The following SECISBP2L variants were observed in gnomAD, a reference collection of about 807,000 sequenced individuals.
SECISBP2L encodes selenocysteine insertion sequence-binding protein 2-like.
In SECISBP2L, 43 loss-of-function variants were observed where a neutral mutation model predicts 114.7. The ratio of observed to expected loss-of-function variants is 0.38; its 90% confidence interval spans 0.29 to 0.48. SECISBP2L has a LOEUF of 0.48. Among genes scored for constraint, SECISBP2L ranks in the 20% least tolerant of loss-of-function variants. The probability of loss-of-function intolerance (pLI) is 0.98; values close to 1 mark genes in which losing one functional copy is unlikely to be tolerated. For synonymous variants in SECISBP2L, 451 were observed against 439.7 expected, an observed-to-expected ratio of 1.03 and a Z score of -0.32; for missense variants, 1,136 against 1,301.1, an observed-to-expected ratio of 0.87 and a Z score of 1.95.
intron 14 of SECISBP2L, among the ~76,000 whole-genome samples, chr15:49,002,142 T>C (rs948408101): frequency 1.3e-5 from 2 of 152,244 alleles, no homozygotes; most frequent in Admixed American, 6.5e-5. Context: ...TTTTTAATGA[T>C]TGCTATTCTA....
Position 48,989,502 on chromosome 15 carries a change from A to G in SECISBP2L, c.*2742T>C, listed in dbSNP as rs1044954539. 6.6e-6 allele frequency: 1 copy of G among 152,654 alleles called. No homozygotes were observed. Among genetic ancestry groups the G allele is most frequent in the Admixed American group, 6.5e-5 (1 of 15,284 alleles). The allele number at this position is 152,654 out of a possible 1,614,324, so 9.5% of individuals were successfully genotyped here. ...TTTTCCACATTTAGTCAAAAGAAAT[A>G]TATTACATCATTTACAAACATATTT... On this transcript the variant is annotated 3_prime_UTR_variant, in exon 18 of 18. Transcript: ENST00000559471.
chr15:49,005,278 C>A (rs984917631), intron 14 of SECISBP2L, among the ~76,000 whole-genome samples: 1 of 152,076 alleles, frequency 6.6e-6, no homozygotes, highest in Non-Finnish European at 1.5e-5. Flanking sequence ...TGCAATAAGC[C>A]GAGATCGCGC....
intron 13 of SECISBP2L, among the ~76,000 whole-genome samples, chr15:49,010,842 T>C (rs1185728889): frequency 6.6e-6 from 1 of 152,220 alleles, no homozygotes; most frequent in Non-Finnish European, 1.5e-5. Context: ...CCTACTGGGC[T>C]GTAAGCTCTT....
At chr15:49,040,037 ATTACT>A (rs1251754056) in intron 1 of SECISBP2L, among the ~76,000 whole-genome samples, 2 of 152,164 alleles carry the variant, frequency 1.3e-5, no homozygotes, top group Admixed American at 6.5e-5. Flanking sequence ...CAACTCATAA[ATTACT>A]TTGGTAGCAA....
At chr15:49,016,368 A>G in intron 11 of SECISBP2L, 192 bp downstream of exon 11, 1 of 475,262 alleles carries the variant, frequency 2.1e-6, no homozygotes, top group Non-Finnish European at 3.6e-6. Context: ...TGTGGAAAGG[A>G]GCATGGACAA....
In SECISBP2L at chr15:49,001,097, C is replaced by T; in HGVS notation, c.2028G>A (p.Glu676=). The T allele has an allele frequency of 6.3e-7, 1 of 1,587,130 alleles. No individual in the cohort carries two copies. The highest frequency in any genetic ancestry group is 8.5e-7 in the Non-Finnish European group (1 of 1,170,294). The change falls in exon 15 of 18, where the codon GAG becomes GAA. Residue 676 remains glutamate (E), a splice_region_variant and synonymous_variant. Transcript: ENST00000559471. ...ITKIHSKRFR[E]YCNQVLCKEI... The stretch of plus-strand genomic sequence containing the variant: ...CTTTACAAAGAACCTGATTACAATA[C>T]CTGTAAAAAAAAACCAAAATGGGTA...
At chr15:49,002,768 T>C (rs1299121894) in intron 14 of SECISBP2L, among the ~76,000 whole-genome samples, 2 of 152,350 alleles carry the variant, frequency 1.3e-5, no homozygotes, top group East Asian at 3.9e-4. Context: ...GTTGTAGATG[T>C]GTGGAGTTAT....
intron 14 of SECISBP2L, among the ~76,000 whole-genome samples, chr15:49,005,865 T>C (rs1328759591): frequency 6.6e-6 from 1 of 152,112 alleles, no homozygotes; most frequent in African/African-American, 2.4e-5. Context: ...CTTTACAATT[T>C]GGTATGTTTT....
At chr15:49,038,473 G>A (rs80031093) in intron 1 of SECISBP2L, among the ~76,000 whole-genome samples, 2 of 150,556 alleles carry the variant, frequency 1.3e-5, no homozygotes, top group Admixed American at 6.6e-5. Context: ...ATGCACATAT[G>A]GGCAACAAAA....
chr15:49,040,146 C>A (rs891213343), intron 1 of SECISBP2L, among the ~76,000 whole-genome samples: 1 of 152,110 alleles, frequency 6.6e-6, no homozygotes, highest in Non-Finnish European at 1.5e-5. Flanking sequence ...ACTTAGGCAA[C>A]CTACTGTTTA....
chr15:48,994,211 TC>T (rs1902044282), intron 17 of SECISBP2L, among the ~76,000 whole-genome samples: 1 of 152,188 alleles, frequency 6.6e-6, no homozygotes, highest in Admixed American at 6.5e-5. Context: ...TAACACTTGA[TC>T]CTACTTTTCT....
rs1336133157 is a variant in SECISBP2L, at chr15:49,046,272, G to T, written c.24+4C>A. Reference sequence around the variant, plus strand: ...CTCGGCGGGCCCAGCCCAAACCCGCGTACCTGCTCCGTGGGGGCTCGGTCC... The same window carrying T: ...CTCGGCGGGCCCAGCCCAAACCCGCTTACCTGCTCCGTGGGGGCTCGGTCC... On this transcript the variant is annotated splice_donor_region_variant and intron_variant, in intron 1 of 17. Transcript: ENST00000559471. 10 of 1,561,964 alleles carry T rather than the reference G, an allele frequency of 6.4e-6. No homozygotes were observed. Among genetic ancestry groups the T allele is most frequent in the South Asian group, 5.9e-5 (5 of 85,160 alleles).
intron 7 of SECISBP2L, among the ~76,000 whole-genome samples, chr15:49,019,940 AC>A (rs1902608495): frequency 6.6e-6 from 1 of 152,226 alleles, no homozygotes. Context: ...AAACTCAACA[AC>A]CAGAGAACCA....
At chr15:49,034,669 G>GTTTTTTTTTTTTTTT (rs58267682) in intron 3 of SECISBP2L, among the ~76,000 whole-genome samples, 3 of 132,132 alleles carry the variant, frequency 2.3e-5, no homozygotes, top group Non-Finnish European at 3.2e-5. Flanking sequence ...TATATCTTTT[G>GTTTTTTTTTTTTTTT]TTTTTTTTTT....
chr15:49,041,091 CAG>C (rs1290312169), intron 1 of SECISBP2L, among the ~76,000 whole-genome samples: 5 of 152,108 alleles, frequency 3.3e-5, no homozygotes, highest in African/African-American at 1.2e-4. Flanking sequence ...ACTTTCATAG[CAG>C]AGAGTTGTCT....
rs144782784 is a variant in SECISBP2L, at chr15:49,023,948, A to G, written c.1035+3417T>C. On this transcript the variant is annotated intron_variant, in intron 7 of 17. Coordinates refer to ENST00000559471, the MANE Select transcript of SECISBP2L (RefSeq NM_001193489.2). ...AGCAGAGGTGAAATGAGACTTTTAC[A>G]TTGTATATAATCTTTTTTTAAAAAT... Among the ~76,000 whole-genome samples, 27 of 152,324 alleles carry G rather than the reference A, an allele frequency of 1.8e-4. No homozygotes were observed. In the East Asian group the frequency reaches 5.2e-3, roughly 29 times the overall value.
At chr15:48,996,766 T>C (rs1301054453) in intron 16 of SECISBP2L, among the ~76,000 whole-genome samples, 180 bp from the exon 17 acceptor site, 1 of 152,246 alleles carries the variant, frequency 6.6e-6, no homozygotes, top group East Asian at 1.9e-4. Flanking sequence ...ATTTACTGTT[T>C]ATTTAATTCT....
At chr15:49,041,308 T>C (rs1057484529) in intron 1 of SECISBP2L, among the ~76,000 whole-genome samples, 2 of 152,276 alleles carry the variant, frequency 1.3e-5, no homozygotes, top group Non-Finnish European at 2.9e-5. Context: ...AGCAGTTTCA[T>C]GTTCACTTTT....
chr15:49,014,777 A>G (rs1436954217), intron 11 of SECISBP2L, among the ~76,000 whole-genome samples: 1 of 147,572 alleles, frequency 6.8e-6, no homozygotes, highest in East Asian at 1.9e-4. Context: ...TAGTAATTAT[A>G]TCATATTAAC....
Sources: allele counts gnomAD v4.1 joint callset (sites outside exome capture counted in the v4.1 genomes callset), GRCh38; gene constraint gnomAD v4.1.1; transcripts MANE v1.5; gene names NCBI Gene and HGNC (gene_info 2026-07-23, HGNC 2026-07-21).